The following ERBB4 variants were observed in gnomAD, a reference collection of about 807,000 sequenced individuals.
ERBB4 encodes the protein erb-b2 receptor tyrosine kinase 4.
A neutral mutation model predicts 158.0 loss-of-function variants in ERBB4; 42 were observed. That is an observed-to-expected ratio of 0.27 (90% confidence interval 0.21 to 0.34). The LOEUF (loss-of-function observed/expected upper bound fraction) is 0.34, where lower values mean the gene tolerates loss of function less well. Among genes scored for constraint, ERBB4 ranks in the 10% least tolerant of loss-of-function variants. ERBB4 has a pLI of 1.00. For missense variants in ERBB4, 1,333 were observed against 1,624.1 expected, an observed-to-expected ratio of 0.82 and a Z score of 3.08; for synonymous variants, 583 against 558.7, an observed-to-expected ratio of 1.04 and a Z score of -0.61.
At chr2:211,730,521 C>A (rs919795460) in intron 5 of ERBB4, among the ~76,000 whole-genome samples, 4 of 151,970 alleles carry the variant, frequency 2.6e-5, no homozygotes, top group Non-Finnish European at 5.9e-5. Flanking sequence ...TTCATTTCCT[C>A]TAACCAGTGG....
At chr2:211,739,855 A>T (rs1387334488) in intron 5 of ERBB4, among the ~76,000 whole-genome samples, 2 of 152,206 alleles carry the variant, frequency 1.3e-5, no homozygotes, top group Non-Finnish European at 2.9e-5. Context: ...TTAAAAATAT[A>T]GCTTAATTTT....
At chr2:212,466,563 A>G (rs1398206887) in intron 1 of ERBB4, among the ~76,000 whole-genome samples, 2 of 152,168 alleles carry the variant, frequency 1.3e-5, no homozygotes, top group African/African-American at 4.8e-5. Context: ...CTGCCATCCA[A>G]GTAAGATATG....
chr2:211,501,545 T>A (rs2065617090), intron 20 of ERBB4, among the ~76,000 whole-genome samples: 1 of 151,910 alleles, frequency 6.6e-6, no homozygotes, highest in African/African-American at 2.4e-5. Flanking sequence ...GTGTGTTTTT[T>A]TTAGAAAACA....
At chr2:212,372,642 G>A (rs867609177) in intron 1 of ERBB4, among the ~76,000 whole-genome samples, 5 of 152,030 alleles carry the variant, frequency 3.3e-5, no homozygotes, top group East Asian at 1.9e-4. Context: ...CCAGGTACTC[G>A]GGAGGCTGAG....
chr2:211,574,554 C>A (rs2067835574), intron 19 of ERBB4, among the ~76,000 whole-genome samples: 1 of 152,086 alleles, frequency 6.6e-6, no homozygotes, highest in African/African-American at 2.4e-5. Flanking sequence ...AAGAGAAACA[C>A]AAAAGTGTCT....
chr2:211,980,133 C>T (rs2125228010), intron 2 of ERBB4, among the ~76,000 whole-genome samples: 1 of 152,116 alleles, frequency 6.6e-6, no homozygotes, highest in Middle Eastern at 3.4e-3. Context: ...AGTATTCTGT[C>T]TCTTGAATAA....
intron 1 of ERBB4, among the ~76,000 whole-genome samples, chr2:212,214,813 T>C (rs1316003392): frequency 6.6e-6 from 1 of 151,762 alleles, no homozygotes; most frequent in Non-Finnish European, 1.5e-5. Flanking sequence ...ACAATGTTCA[T>C]TGCTCTACTG....
chr2:212,306,790 T>A (rs1245427298), intron 1 of ERBB4, among the ~76,000 whole-genome samples: 2 of 151,336 alleles, frequency 1.3e-5, no homozygotes, highest in Admixed American at 1.3e-4. Context: ...TGGAAATGTT[T>A]ATTATGAAGA....
At chr2:211,853,347 T>C (rs1274058752) in intron 3 of ERBB4, among the ~76,000 whole-genome samples, 1 of 152,068 alleles carries the variant, frequency 6.6e-6, no homozygotes, top group Non-Finnish European at 1.5e-5. Context: ...CTATGCATTT[T>C]AGGTCAAAAC....
At chr2:211,721,673 T>A (rs1486649655) in intron 7 of ERBB4, among the ~76,000 whole-genome samples, 1 of 148,892 alleles carries the variant, frequency 6.7e-6, no homozygotes, top group Non-Finnish European at 1.5e-5. Flanking sequence ...TAACTTGATA[T>A]TAAAAATATA....
At chr2:211,939,130 T>C (rs1051123773) in intron 3 of ERBB4, among the ~76,000 whole-genome samples, 20 of 152,322 alleles carry the variant, frequency 1.3e-4, no homozygotes, top group Admixed American at 6.5e-4. Context: ...CTTTCTAAAA[T>C]ACAGCCTTAA....
At chr2:211,696,594 T>A (rs1030113001) in intron 12 of ERBB4, among the ~76,000 whole-genome samples, 3 of 152,140 alleles carry the variant, frequency 2.0e-5, no homozygotes, top group Admixed American at 1.3e-4. Context: ...CTGAATAATA[T>A]GTTATATAGG....
intron 1 of ERBB4, among the ~76,000 whole-genome samples, chr2:212,372,050 G>T (rs1381003971): frequency 6.6e-6 from 1 of 151,930 alleles, no homozygotes; most frequent in Non-Finnish European, 1.5e-5. Flanking sequence ...TAAACAAGAA[G>T]ACCTGGGCCT....
chr2:211,658,298 T>C (rs940669645), intron 15 of ERBB4, among the ~76,000 whole-genome samples: 2 of 152,226 alleles, frequency 1.3e-5, no homozygotes, highest in Non-Finnish European at 2.9e-5. Context: ...CATGATTACA[T>C]GTCTCAACAA....
chr2:211,760,526 C>A (rs1029450868), intron 4 of ERBB4, among the ~76,000 whole-genome samples: 2 of 152,152 alleles, frequency 1.3e-5, no homozygotes, highest in Non-Finnish European at 2.9e-5. Context: ...AATGTAAATT[C>A]TTGCATTTGT....
chr2:212,170,739 G>A (rs2081490832), intron 1 of ERBB4, among the ~76,000 whole-genome samples: 1 of 152,142 alleles, frequency 6.6e-6, no homozygotes, highest in Admixed American at 6.5e-5. Context: ...TTCACATGGT[G>A]TTGGGTCTGC....
At chr2:212,100,470 T>C (rs1010067452) in intron 2 of ERBB4, among the ~76,000 whole-genome samples, 1 of 152,200 alleles carries the variant, frequency 6.6e-6, no homozygotes, top group Non-Finnish European at 1.5e-5. Context: ...ATTCTGTCAT[T>C]CTCATTGATA....
rs900170502 is a variant in ERBB4 at position 211,885,880 on chromosome 2, T to C, written c.421+61550A>G. 3.3e-5 allele frequency among the ~76,000 whole-genome samples: 5 copies of C among 152,328 alleles called. No homozygotes were observed. The South Asian group carries it at 8.3e-4, about 25-fold the overall frequency. On this transcript the variant is annotated intron_variant, in intron 3 of 27. Coordinates refer to ENST00000342788, the MANE Select transcript of ERBB4 (RefSeq NM_005235.3). The stretch of plus-strand genomic sequence containing the variant: ...TAAGTTTCATGTTGGTACTTTACTA[T>C]ATGAAATATAACTCTCAGTATTTAG...
At chr2:212,512,260 C>T (rs1387772149) in intron 1 of ERBB4, among the ~76,000 whole-genome samples, 1 of 151,654 alleles carries the variant, frequency 6.6e-6, no homozygotes, top group Admixed American at 6.6e-5. Flanking sequence ...GACTTCATAC[C>T]TTTAGAACTC....
Sources: allele counts gnomAD v4.1 joint callset (sites outside exome capture counted in the v4.1 genomes callset), GRCh38; gene constraint gnomAD v4.1.1; transcripts MANE v1.5; gene names NCBI Gene and HGNC (gene_info 2026-07-23, HGNC 2026-07-21).